UVRAG: variants seen among roughly 807,000 people sequenced by gnomAD.
The protein encoded by UVRAG is UV radiation resistance-associated gene protein.
UVRAG carries 19 observed loss-of-function variants against 78.0 expected under a neutral mutation model. That is an observed-to-expected ratio of 0.24 (90% confidence interval 0.17 to 0.36). The LOEUF (loss-of-function observed/expected upper bound fraction) is 0.36. Ranked by LOEUF, UVRAG falls within the 10% of genes least tolerant of loss-of-function variation. The pLI, the probability that UVRAG is intolerant of heterozygous loss-of-function variation, is 1.00. For synonymous variants in UVRAG, 323 were observed against 324.6 expected (o/e 1.00, Z 0.05); for missense variants, 740 against 853.8 (o/e 0.87, Z 1.66).
At chr11:75,938,828 G>A (rs1948429298) in intron 6 of UVRAG, among the ~76,000 whole-genome samples, 1 of 152,162 alleles carries the variant, frequency 6.6e-6, no homozygotes, top group East Asian at 1.9e-4. Context: ...AGTTCTCTGT[G>A]TGCAGTTCTG....
chr11:75,882,213 A>G (rs924717533), intron 4 of UVRAG, among the ~76,000 whole-genome samples: 1 of 152,154 alleles, frequency 6.6e-6, no homozygotes, highest in East Asian at 1.9e-4. Flanking sequence ...TTTCAGGTTA[A>G]AAATCTGAAA....
chr11:75,946,129 A>G (rs1478994987), intron 6 of UVRAG, among the ~76,000 whole-genome samples: 7 of 152,186 alleles, frequency 4.6e-5, no homozygotes, highest in African/African-American at 1.4e-4. Flanking sequence ...ATAAATGTTT[A>G]TTGCATGAAT....
intron 13 of UVRAG, among the ~76,000 whole-genome samples, chr11:76,068,664 T>A (rs1291917457): frequency 6.6e-6 from 1 of 152,250 alleles, no homozygotes; most frequent in Non-Finnish European, 1.5e-5. Flanking sequence ...GTCTGTTCTG[T>A]CTCTCGCTGT....
intron 1 of UVRAG, among the ~76,000 whole-genome samples, chr11:75,849,368 C>T (rs1182626037): frequency 6.6e-6 from 1 of 151,412 alleles, no homozygotes; most frequent in Non-Finnish European, 1.5e-5. Context: ...TAGCCGGGTG[C>T]CTGTAGTCCC....
intron 14 of UVRAG, among the ~76,000 whole-genome samples, chr11:76,122,009 G>A (rs1339601177): frequency 6.6e-6 from 1 of 152,170 alleles, no homozygotes; most frequent in Non-Finnish European, 1.5e-5. Context: ...AAGCCAGGGA[G>A]GCTAGAGAAG....
chr11:75,856,948 G>C (rs1946305142), intron 2 of UVRAG, among the ~76,000 whole-genome samples: 1 of 152,034 alleles, frequency 6.6e-6, no homozygotes, highest in Non-Finnish European at 1.5e-5. Flanking sequence ...CCATTTCCTT[G>C]GCCAAAAACT....
intron 6 of UVRAG, among the ~76,000 whole-genome samples, chr11:75,913,449 C>T (rs192425823): frequency 2.8e-4 from 42 of 152,158 alleles, no homozygotes; most frequent in South Asian, 1.7e-3. Flanking sequence ...TTTGATTAAT[C>T]CTACCCTGCC....
Position 75,970,465 on chromosome 11 carries a change from G to T in UVRAG, c.699+8916G>T, listed in dbSNP as rs11236589. On this transcript the variant is annotated intron_variant, in intron 7 of 14. Coordinates refer to ENST00000356136, the MANE Select transcript of UVRAG (RefSeq NM_003369.4). The stretch of plus-strand genomic sequence containing the variant: ...TAGGCAGAAAGGGCCGGGCATGATG[G>T]CTCATGCCTGTAATCCCAGCACTTT... Among the ~76,000 whole-genome samples the T allele has an allele frequency of 8.3e-3, 1,270 of 152,240 alleles. 23 individuals are homozygous for T. The highest frequency in any genetic ancestry group is 0.029 in the African/African-American group (1,211 of 41,542).
intron 2 of UVRAG, among the ~76,000 whole-genome samples, chr11:75,860,386 T>C (rs564482203): frequency 4.1e-4 from 62 of 152,374 alleles, no homozygotes; most frequent in African/African-American, 1.5e-3. Flanking sequence ...GGGATTATCT[T>C]TCTTGTGTTT....
At chr11:75,979,982 G>C (rs771538892) in intron 7 of UVRAG, 3 of 153,466 alleles carry the variant, frequency 2.0e-5, no homozygotes, top group Non-Finnish European at 4.3e-5. Flanking sequence ...GCTGGAAGCT[G>C]TAGACTGGAG....
chr11:75,868,385 A>G (rs1296740164), intron 3 of UVRAG, among the ~76,000 whole-genome samples: 3 of 152,178 alleles, frequency 2.0e-5, no homozygotes, highest in Non-Finnish European at 4.4e-5. Flanking sequence ...GACAGGTGCA[A>G]GAGAATTGAG....
At chr11:76,060,452 C>A (rs1444300265) in intron 12 of UVRAG, among the ~76,000 whole-genome samples, 1 of 152,252 alleles carries the variant, frequency 6.6e-6, no homozygotes, top group African/African-American at 2.4e-5. Context: ...GCCTGGGCTC[C>A]CACTTTGGCG....
At chr11:76,079,024 T>C (rs895423852) in intron 13 of UVRAG, among the ~76,000 whole-genome samples, 3 of 152,196 alleles carry the variant, frequency 2.0e-5, no homozygotes, top group Non-Finnish European at 4.4e-5. Context: ...AGACTTCTCA[T>C]CTAAAGAATC....
intron 14 of UVRAG, among the ~76,000 whole-genome samples, chr11:76,127,102 C>G (rs940795674): frequency 1.3e-5 from 2 of 152,210 alleles, no homozygotes; most frequent in African/African-American, 4.8e-5. Context: ...GGTTAACTCT[C>G]TGTCTTCTCT....
At chr11:75,945,993 T>G (rs1013297324) in intron 6 of UVRAG, among the ~76,000 whole-genome samples, 10 of 152,142 alleles carry the variant, frequency 6.6e-5, no homozygotes, top group African/African-American at 2.4e-4. Flanking sequence ...TGTTGTAGCC[T>G]GTATAATGCT....
At chr11:75,837,028 C>T (rs2135832769) in intron 1 of UVRAG, among the ~76,000 whole-genome samples, 1 of 152,198 alleles carries the variant, frequency 6.6e-6, no homozygotes, top group South Asian at 2.1e-4. Flanking sequence ...CCCCCACCAC[C>T]ACAGATAAAA....
Position 76,091,609 on chromosome 11 carries a change from C to T in UVRAG, c.1306-24315C>T, listed in dbSNP as rs111324620. Reference sequence around the variant, plus strand: ...ACCTCTGGAGAGATTTGCTTACCTTCATCTTCTTGCCCTTGTGTTTTTCAT... The same window carrying T: ...ACCTCTGGAGAGATTTGCTTACCTTTATCTTCTTGCCCTTGTGTTTTTCAT... On this transcript the variant is annotated intron_variant, in intron 13 of 14. Transcript: ENST00000356136. 6.9e-3 allele frequency among the ~76,000 whole-genome samples: 1,043 copies of T among 152,182 alleles called. 17 individuals are homozygous for T. Among genetic ancestry groups the T allele is most frequent in the African/African-American group, 0.024 (999 of 41,540 alleles).
intron 6 of UVRAG, among the ~76,000 whole-genome samples, chr11:75,925,917 G>A (rs1303104613): frequency 6.6e-6 from 1 of 152,198 alleles, no homozygotes. Context: ...GTCATGCAGA[G>A]TCTGAGTTTA....
At chr11:75,846,071 A>C (rs112033884) in intron 1 of UVRAG, among the ~76,000 whole-genome samples, 10 of 152,370 alleles carry the variant, frequency 6.6e-5, no homozygotes, top group South Asian at 2.1e-4. Context: ...TGGCTTAAAT[A>C]TCTGTAGCTG....
Sources: gnomAD v4.1 joint callset for allele counts (sites outside exome capture counted in the v4.1 genomes callset) on GRCh38, gnomAD v4.1.1 for gene constraint, MANE v1.5 for transcripts, NCBI Gene and HGNC (gene_info 2026-07-23, HGNC 2026-07-21) for gene names.